CSMD2: variants seen among roughly 807,000 people sequenced by gnomAD.
The protein encoded by CSMD2 is CUB and Sushi multiple domains 2.
A neutral mutation model predicts 398.5 loss-of-function variants in CSMD2; 130 were observed. That is an observed-to-expected ratio of 0.33 (90% CI 0.28 to 0.38). The LOEUF (loss-of-function observed/expected upper bound fraction) is 0.38. CSMD2 is among the 10% of genes least tolerant of loss of function. The pLI is 1.00. For synonymous variants in CSMD2, 1,828 were observed against 1,908.5 expected (o/e 0.96, Z 1.10); for missense variants, 3,829 against 4,764.9 (o/e 0.80, Z 5.78).
chr1:34,045,975 G>A lies in CSMD2; in HGVS notation c.405-13269C>T, dbSNP rs561663362. On this transcript the variant is annotated intron_variant, in intron 2 of 70. Coordinates refer to ENST00000373381, the MANE Select transcript of CSMD2 (RefSeq NM_001281956.2). ...CAAACGGTGCACCAAGGTGCCCCAG[G>A]GCATTGCAGTGAGTTTACAAGGGTA... Among the ~76,000 whole-genome samples, 15 of 152,352 alleles carry A rather than the reference G, an allele frequency of 9.8e-5. No homozygotes were observed. The South Asian group carries it at 2.1e-3, about 21-fold the overall frequency.
chr1:33,598,985 T>A (rs1640025372), intron 44 of CSMD2: 1 of 152,302 alleles, frequency 6.6e-6, no homozygotes, highest in South Asian at 2.1e-4. Context: ...GTGGTGATTC[T>A]GTGGGTCTCT....
chr1:33,648,916 T>C lies in CSMD2; in HGVS notation c.4587-2081A>G, dbSNP rs573770986. Among the ~76,000 whole-genome samples the C allele has an allele frequency of 2.0e-5, 3 of 152,348 alleles. No homozygotes were observed. The South Asian group carries it at 6.2e-4, about 32-fold the overall frequency. ...CGTTAATAAAGTAAAAAAGACTACA[T>C]TGACATGGTTAAATTACCAGGACCC... On this transcript the variant is annotated intron_variant, in intron 28 of 70. Coordinates refer to ENST00000373381, the MANE Select transcript of CSMD2 (RefSeq NM_001281956.2).
chr1:33,893,723 C>T (rs1642200050), intron 5 of CSMD2, among the ~76,000 whole-genome samples: 1 of 152,230 alleles, frequency 6.6e-6, no homozygotes, highest in Admixed American at 6.5e-5. Flanking sequence ...ATGTTGACAG[C>T]AGACTGTCTT....
rs866852364 is a variant in CSMD2 at position 33,788,820 on chromosome 1, G to A, written c.1551-108C>T. ...GACTATCCAGGATCCAGGCCCGCTC[G>A]GGCAAATTCTGGGCCCCACTGTGTT... On this transcript the variant is annotated intron_variant, in intron 11 of 70. Coordinates refer to ENST00000373381, the MANE Select transcript of CSMD2 (RefSeq NM_001281956.2). The A allele has an allele frequency of 1.2e-4, 88 of 710,598 alleles. No homozygotes were observed. The Admixed American group carries it at 1.7e-3, about 14-fold the overall frequency. 44.0% of individuals were successfully genotyped at this position (710,598 alleles called of 1,614,324 possible).
At chr1:33,600,569 G>A in intron 44 of CSMD2, 1 of 533,866 alleles carries the variant, frequency 1.9e-6, no homozygotes, top group Non-Finnish European at 3.3e-6. Flanking sequence ...GTATAGGGAT[G>A]ATCCAGCCAG....
At position 34,000,265 on chromosome 1, in the gene CSMD2, T is replaced by A. The variant is rs1331625782; in HGVS notation, c.517+32329A>T. Among the ~76,000 whole-genome samples, 3 of 151,930 alleles carry A rather than the reference T, an allele frequency of 2.0e-5. No individual in the cohort carries two copies. The East Asian group carries it at 5.8e-4, about 29-fold the overall frequency. ...GGAATGTGGACCAGCCATGGGAGTG[T>A]CCCGCGGAAACCTCTTCAGCATTTC... On this transcript the variant is annotated intron_variant, in intron 3 of 70. Transcript: ENST00000373381.
intron 5 of CSMD2, among the ~76,000 whole-genome samples, chr1:33,889,232 G>A (rs182117265): frequency 4.8e-5 from 7 of 147,368 alleles, no homozygotes; most frequent in Admixed American, 3.4e-4. Flanking sequence ...TAAATGAATA[G>A]GAAAAACAAA....
chr1:34,135,443 A>G (rs1309675224), intron 1 of CSMD2, among the ~76,000 whole-genome samples: 3 of 151,944 alleles, frequency 2.0e-5, no homozygotes, highest in Admixed American at 6.6e-5. Context: ...ACATGGTGAA[A>G]CCCCATCTCT....
At chr1:33,556,295 G>T (rs1307872176) in intron 55 of CSMD2, among the ~76,000 whole-genome samples, 1 of 152,160 alleles carries the variant, frequency 6.6e-6, no homozygotes, top group African/African-American at 2.4e-5. Flanking sequence ...GGTCATAAAT[G>T]GGATTGGATG....
intron 3 of CSMD2, among the ~76,000 whole-genome samples, chr1:33,939,059 G>A (rs1644581309): frequency 6.6e-6 from 1 of 151,996 alleles, no homozygotes; most frequent in Non-Finnish European, 1.5e-5. Context: ...ATCCCATGCT[G>A]CTGGCTTACT....
Position 33,608,687 on chromosome 1 carries a change from G to A in CSMD2, c.6343+2354C>T, listed in dbSNP as rs141824329. Among the ~76,000 whole-genome samples, 5 of 152,230 alleles carry A rather than the reference G, an allele frequency of 3.3e-5. No individual in the cohort carries two copies. In the East Asian group the frequency reaches 5.8e-4, roughly 18 times the overall value. On this transcript the variant is annotated intron_variant, in intron 41 of 70. Coordinates refer to ENST00000373381, the MANE Select transcript of CSMD2 (RefSeq NM_001281956.2). ...CCATGTGAAGATGAAGCCAGAGGTC[G>A]GGGTGATACTTCTAAGAGCTGAGAA...
intron 3 of CSMD2, among the ~76,000 whole-genome samples, chr1:33,990,822 C>T (rs1646527871): frequency 6.6e-6 from 1 of 152,172 alleles, no homozygotes; most frequent in Middle Eastern, 3.2e-3. Flanking sequence ...TTCCTGTCTC[C>T]TCCAGATTAG....
intron 3 of CSMD2, among the ~76,000 whole-genome samples, chr1:33,952,296 T>C (rs931521889): frequency 1.3e-5 from 2 of 152,198 alleles, no homozygotes; most frequent in Non-Finnish European, 2.9e-5. Context: ...AGAGGAAAAC[T>C]AATAGAGCAA....
At chr1:33,751,876 T>C (rs188770344) in intron 13 of CSMD2, among the ~76,000 whole-genome samples, 22 of 152,218 alleles carry the variant, frequency 1.4e-4, no homozygotes, top group Non-Finnish European at 2.5e-4. Flanking sequence ...CTGCCTGCCT[T>C]GGCCTCCCAA....
chr1:34,081,089 A>C (rs1484822868), intron 2 of CSMD2, among the ~76,000 whole-genome samples: 1 of 152,164 alleles, frequency 6.6e-6, no homozygotes, highest in African/African-American at 2.4e-5. Context: ...ACTCTCAATA[A>C]AATGGGTGAT....
At chr1:33,932,566 C>A (rs1483058139) in intron 4 of CSMD2, among the ~76,000 whole-genome samples, 1 of 152,200 alleles carries the variant, frequency 6.6e-6, no homozygotes, top group Non-Finnish European at 1.5e-5. Context: ...CTCCACCCTG[C>A]TCCTTCCCTC....
At chr1:33,727,897 G>T (rs1646591530) in intron 15 of CSMD2, among the ~76,000 whole-genome samples, 1 of 152,116 alleles carries the variant, frequency 6.6e-6, no homozygotes. Context: ...CACTATTACT[G>T]CTTCTGTCAC....
At chr1:33,694,440 G>A (rs1000503565) in intron 24 of CSMD2, among the ~76,000 whole-genome samples, 18 of 152,086 alleles carry the variant, frequency 1.2e-4, no homozygotes, top group African/African-American at 4.3e-4. Context: ...GAACCTGGTG[G>A]GAGGTGACTG....
chr1:33,953,284 T>G (rs978931267), intron 3 of CSMD2, among the ~76,000 whole-genome samples: 2 of 152,174 alleles, frequency 1.3e-5, no homozygotes, highest in African/African-American at 4.8e-5. Flanking sequence ...CCCACCATAT[T>G]AAACACCTGC....
Sources: allele counts gnomAD v4.1 joint callset (sites outside exome capture counted in the v4.1 genomes callset), GRCh38; gene constraint gnomAD v4.1.1; transcripts MANE v1.5; gene names NCBI Gene and HGNC (gene_info 2026-07-23, HGNC 2026-07-21).